FREM2: variants seen among roughly 807,000 people sequenced by gnomAD.
FREM2 encodes FRAS1 related extracellular matrix 2, also known as FRAS1-related extracellular matrix protein 2.
In FREM2, 119 loss-of-function variants were observed where a neutral mutation model predicts 219.9. That is an observed-to-expected ratio of 0.54 (90% CI 0.47 to 0.63). The LOEUF is 0.63. Ranked by LOEUF, FREM2 falls within the 30% of genes least tolerant of loss-of-function variation. The pLI, the probability that FREM2 is intolerant of heterozygous loss-of-function variation, is 0.00. For missense variants in FREM2, 4,030 were observed against 3,993.6 expected, an observed-to-expected ratio of 1.01 and a Z score of -0.25; for synonymous variants, 1,562 against 1,522.8, an observed-to-expected ratio of 1.03 and a Z score of -0.60.
At chr13:38,878,770 C>T in intron 22 of FREM2, 61 bp from the exon 23 acceptor site, 1 of 1,481,664 alleles carries the variant, frequency 6.7e-7, no homozygotes, top group Non-Finnish European at 9.4e-7. Context: ...GAGAAACATG[C>T]TGTCCTGGCA....
At position 38,687,982 on chromosome 13, in the gene FREM2, C is replaced by T. The variant is rs775105063; in HGVS notation, c.638C>T (p.Thr213Ile). Residue 213 changes from threonine (T) to isoleucine (I), a missense_variant, in exon 1 of 24, where the codon ACA (threonine) becomes ATA (isoleucine). By Grantham distance (89) the Thr-to-Ile change is moderately conservative (BLOSUM62 -1). Transcript: ENST00000280481. ...CTGGAGTTCGCCTTCCAGCCCGAGA[C>T]AGAGGAGTGCCGCGTGGGCATCCTG... The part of the protein sequence containing the change: ...RSLEFAFQPE[T>I]EECRVGILSG... The T allele has an allele frequency of 2.5e-6, 4 of 1,612,888 alleles. No homozygotes were observed. The highest frequency in any genetic ancestry group is 3.4e-6 in the Non-Finnish European group (4 of 1,179,352).
rs1246110589 is a variant in FREM2 at position 38,754,895 on chromosome 13, G to GATTATTATTATTATT, written c.5264-9407_5264-9406insTATTATTATTATTAT. On this transcript the variant is annotated intron_variant, in intron 2 of 23. Coordinates refer to ENST00000280481, the MANE Select transcript of FREM2 (RefSeq NM_207361.6). ...TGATGATGATGATGATGATGATGAT[G>GATTATTATTATTATT]ATGATGATTATTATTATTATTATTA... 3.9e-3 allele frequency among the ~76,000 whole-genome samples: 394 copies of GATTATTATTATTATT among 99,758 alleles called. 2 individuals carry two copies. Among genetic ancestry groups the GATTATTATTATTATT allele is most frequent in the Middle Eastern group, 0.034 (6 of 178 alleles). The allele number at this position is 99,758 out of a possible 152,430, so 65.4% of individuals were successfully genotyped here. A position where few individuals can be genotyped will look rare whatever the true frequency, so the allele number is the denominator to read the frequency against.
intron 2 of FREM2, among the ~76,000 whole-genome samples, chr13:38,709,531 A>G (rs1477439082): frequency 6.6e-6 from 1 of 152,062 alleles, no homozygotes; most frequent in Non-Finnish European, 1.5e-5. Flanking sequence ...ATATAATATA[A>G]TGTAAAAGGT....
intron 16 of FREM2, among the ~76,000 whole-genome samples, chr13:38,872,131 G>A (rs1044573978): frequency 6.6e-6 from 1 of 152,168 alleles, no homozygotes; most frequent in Non-Finnish European, 1.5e-5. Flanking sequence ...GGGGAATTAA[G>A]TATTGAAACG....
chr13:38,736,086 T>C (rs879717299), intron 2 of FREM2, among the ~76,000 whole-genome samples: 1 of 152,190 alleles, frequency 6.6e-6, no homozygotes, highest in Non-Finnish European at 1.5e-5. Context: ...CCCCTAGACC[T>C]AGTAGCACAG....
At chr13:38,815,964 A>G (rs1428666610) in intron 6 of FREM2, among the ~76,000 whole-genome samples, 1 of 152,150 alleles carries the variant, frequency 6.6e-6, no homozygotes, top group Non-Finnish European at 1.5e-5. Flanking sequence ...CAAACAAACC[A>G]TATCCAAACT....
rs770243383 is a variant in FREM2 at position 38,688,533 on chromosome 13, C to G, written c.1189C>G (p.Pro397Ala). 3 of 1,613,756 alleles carry G rather than the reference C, an allele frequency of 1.9e-6. No homozygotes were observed. Among genetic ancestry groups the G allele is most frequent in the Non-Finnish European group, 2.5e-6 (3 of 1,179,916 alleles). Residue 397 changes from proline to alanine, a missense_variant, in exon 1 of 24, where the codon CCC (proline) becomes GCC (alanine). Pro to Ala is a conservative substitution (Grantham distance 27). This residue lies in a region of FREM2 where 3,102 missense variants were observed against 2,950.7 expected (regional missense o/e 1.05). Coordinates refer to ENST00000280481, the MANE Select transcript of FREM2 (RefSeq NM_207361.6). ...GCGGCTCCTGAAGATTGCCTACCAG[C>G]CCCCTTCTGAAGACTCTGACCAGGA... ...DLRLLKIAYQ[P>A]PSEDSDQERL...
rs368768030 is a variant in FREM2, at chr13:38,699,543, C to G, written c.5263+1756C>G. On this transcript the variant is annotated intron_variant, in intron 2 of 23. Transcript: ENST00000280481. ...AAGATTGTCTTTATGGAAGTAGGAA[C>G]ATATCATTTTAGGAGTCTTTTTAGA... is the stretch of plus-strand genomic sequence containing the variant. 4.0e-4 allele frequency among the ~76,000 whole-genome samples: 61 copies of G among 152,158 alleles called. 2 individuals are homozygous for G. In the South Asian group the frequency reaches 0.012, roughly 29 times the overall value.
chr13:38,743,192 A>G lies in FREM2; in HGVS notation c.5264-21112A>G, dbSNP rs145712688. 3.3e-3 allele frequency among the ~76,000 whole-genome samples: 510 copies of G among 152,256 alleles called. 2 individuals carry two copies. Among genetic ancestry groups the G allele is most frequent in the African/African-American group, 0.012 (484 of 41,552 alleles). On this transcript the variant is annotated intron_variant, in intron 2 of 23. Coordinates refer to ENST00000280481, the MANE Select transcript of FREM2 (RefSeq NM_207361.6). ...GAGATATACAACTCAGGGATGCTCA[A>G]GTCAACTTTATGCTTGGCATATTTG...
rs181072427 is a variant in FREM2, at chr13:38,875,782, A to G, written c.8282-240A>G. On this transcript the variant is annotated intron_variant, in intron 18 of 23. Coordinates refer to ENST00000280481, the MANE Select transcript of FREM2 (RefSeq NM_207361.6). ...AACTATAGAGCAGAAACAGTACTGA[A>G]GTAGGAATCAGAAAGTCACATCCTA... is the stretch of plus-strand genomic sequence containing the variant. 5.5e-4 allele frequency among the ~76,000 whole-genome samples: 84 copies of G among 152,292 alleles called. No individual in the cohort carries two copies. The East Asian group carries it at 0.015, about 28-fold the overall frequency.
Position 38,850,342 on chromosome 13 carries a change from C to T in FREM2, c.6577+107C>T, listed in dbSNP as rs955435377. On this transcript the variant is annotated intron_variant, in intron 9 of 23. Coordinates refer to ENST00000280481, the MANE Select transcript of FREM2 (RefSeq NM_207361.6). ...TTCCTCGATATCAACAAGCATATGG[C>T]ATGGTTTTATGTGCAATAAATGAGG... 4.4e-6 allele frequency: 4 copies of T among 904,192 alleles called. No homozygotes were observed. The African/African-American group carries it at 6.6e-5, about 15-fold the overall frequency. 56.0% of individuals were successfully genotyped at this position (904,192 alleles called of 1,614,324 possible).
intron 2 of FREM2, among the ~76,000 whole-genome samples, chr13:38,732,106 G>A (rs912146645): frequency 1.4e-4 from 21 of 152,122 alleles, no homozygotes; most frequent in African/African-American, 4.3e-4. Context: ...TTTACATTTG[G>A]AAGAATGTTA....
At chr13:38,813,555 CTCTCTCTCTATATATATA>C (rs1875622720) in intron 6 of FREM2, among the ~76,000 whole-genome samples, 1 of 22,542 alleles carries the variant, frequency 4.4e-5, no homozygotes, top group African/African-American at 2.2e-4. Context: ...CTCTCTCTCT[CTCTCTCTCTATATATATA>C]TATATATATA....
rs765770038 is a variant in FREM2 at position 38,687,455 on chromosome 13, C to T, written c.111C>T (p.Leu37=). The T allele has an allele frequency of 1.4e-5, 22 of 1,594,092 alleles. No homozygotes were observed. The highest frequency in any genetic ancestry group is 2.3e-5 in the East Asian group (1 of 43,994). Reference sequence around the variant, plus strand: ...GGCTGCTGCTGCTGCTGCTGCTTCTCCTGTCACTGGTAAGCCGCGTCCCGG... The same window carrying T: ...GGCTGCTGCTGCTGCTGCTGCTTCTTCTGTCACTGGTAAGCCGCGTCCCGG... ...PPRLLLLLLL[L]LSLVSRVPAQ... is the part of the protein sequence containing the mutation. Residue 37 remains leucine (L), a synonymous_variant, in exon 1 of 24, where the codon CTC becomes CTT. Coordinates refer to ENST00000280481, the MANE Select transcript of FREM2 (RefSeq NM_207361.6).
chr13:38,688,738 C>A lies in FREM2; in HGVS notation c.1394C>A (p.Pro465Gln). 1 of 1,613,900 alleles carries A rather than the reference C, an allele frequency of 6.2e-7. No individual in the cohort carries two copies. The highest frequency in any genetic ancestry group is 8.5e-7 in the Non-Finnish European group (1 of 1,179,890). ...CTCACAGGCCCTGCAGGCAGTGGTCCGCAAAACTTGGTCATCAGCGATGAG... is the reference window on the plus strand; with the variant it reads ...CTCACAGGCCCTGCAGGCAGTGGTCAGCAAAACTTGGTCATCAGCGATGAG... ...RPLTGPAGSGPQNLVISDEDD... is the reference protein window; with the variant it reads ...RPLTGPAGSGQQNLVISDEDD... The change falls in exon 1 of 24, where the codon CCG (proline) becomes CAG (glutamine). Residue 465 changes from proline to glutamine, a missense_variant. Physicochemically the swap from Pro to Gln is moderately conservative, Grantham distance 76. Around this residue, in one of 2 missense-constraint regions of FREM2, gnomAD observed 3,102 missense variants for 2,950.7 expected, o/e 1.05. Coordinates refer to ENST00000280481, the MANE Select transcript of FREM2 (RefSeq NM_207361.6).
intron 8 of FREM2, among the ~76,000 whole-genome samples, chr13:38,849,472 G>A (rs1348918153): frequency 6.6e-6 from 1 of 152,066 alleles, no homozygotes; most frequent in Non-Finnish European, 1.5e-5. Context: ...GCTGTTCTGG[G>A]ACAACCCTCT....
At chr13:38,707,331 C>CA in intron 2 of FREM2, among the ~76,000 whole-genome samples, 1 of 152,036 alleles carries the variant, frequency 6.6e-6, no homozygotes. Flanking sequence ...AGAAATTATA[C>CA]AAAAAGATTA....
rs781046308 is a variant in FREM2, at chr13:38,880,541, C to G, written c.9264C>G (p.Pro3088=). The stretch of plus-strand genomic sequence containing the variant: ...TGGACCGCACCAAGAGGCAGATCCC[C>G]CATGGGAGAGCACCTCCAGATGGCA... The part of the protein sequence containing the change: ...IALDRTKRQI[P]HGRAPPDGIL... Residue 3088 remains proline (P), a synonymous_variant, in exon 24 of 24, where the codon CCC becomes CCG. Transcript: ENST00000280481. 8 of 1,614,170 alleles carry G rather than the reference C, an allele frequency of 5.0e-6. No individual in the cohort carries two copies. The highest frequency in any genetic ancestry group is 6.8e-6 in the Non-Finnish European group (8 of 1,180,032).
intron 6 of FREM2, among the ~76,000 whole-genome samples, chr13:38,820,695 T>G (rs114201462): frequency 0.011 from 1,714 of 152,248 alleles, 23 homozygotes; most frequent in African/African-American, 0.039. Flanking sequence ...TGGCATATCT[T>G]TTTATTGAAA....
Sources: gnomAD v4.1 joint callset for allele counts (sites outside exome capture counted in the v4.1 genomes callset) on GRCh38, gnomAD v4.1.1 for gene constraint, gnomAD v4.1.1 regional missense constraint, MANE v1.5 for transcripts, NCBI Gene and HGNC (gene_info 2026-07-23, HGNC 2026-07-21) for gene names.